Variants in PKIB observed in about 807,000 individuals in gnomAD.
PKIB encodes the protein PKI-beta.
Under a neutral mutation model 4.5 loss-of-function variants are expected in PKIB, and 2 were observed. The observed-to-expected ratio is 0.44, with a 90% CI of 0.18 to 1.39. The LOEUF (loss-of-function observed/expected upper bound fraction) is 1.39. Among genes scored for constraint, PKIB ranks in the 40% most tolerant of loss-of-function variants. PKIB has a pLI of 0.27. For synonymous variants in PKIB, 38 were observed against 36.0 expected (o/e 1.06, Z -0.20); for missense variants, 94 against 92.6 (o/e 1.02, Z -0.06).
chr6:122,576,716 T>TATATATATA (rs1562257709), intron 2 of PKIB, among the ~76,000 whole-genome samples: 1 of 100,630 alleles, frequency 9.9e-6, no homozygotes, highest in African/African-American at 3.8e-5. Flanking sequence ...ATATATTTTC[T>TATATATATA]TTTGTATAAT....
intron 2 of PKIB, among the ~76,000 whole-genome samples, chr6:122,543,581 T>A (rs1231310464): frequency 6.6e-6 from 1 of 151,926 alleles, no homozygotes; most frequent in Non-Finnish European, 1.5e-5. Context: ...TGTTTCATCA[T>A]GTTGGCCAGA....
chr6:122,556,502 G>T (rs1398021843), intron 2 of PKIB, among the ~76,000 whole-genome samples: 1 of 152,094 alleles, frequency 6.6e-6, no homozygotes, highest in Non-Finnish European at 1.5e-5. Flanking sequence ...TGTCTCTAAA[G>T]ACTGCCAATT....
intron 2 of PKIB, among the ~76,000 whole-genome samples, chr6:122,670,514 T>A (rs979004041): frequency 6.6e-6 from 1 of 152,070 alleles, no homozygotes; most frequent in Non-Finnish European, 1.5e-5. Context: ...GTTGTTGTTG[T>A]TGTTGTTGTT....
chr6:122,522,904 C>G (rs533365951), intron 2 of PKIB, among the ~76,000 whole-genome samples: 1 of 152,300 alleles, frequency 6.6e-6, no homozygotes, highest in South Asian at 2.1e-4. Context: ...ATCATGTCAT[C>G]TGAGGACAGA....
chr6:122,637,205 T>C (rs983371589), intron 2 of PKIB, among the ~76,000 whole-genome samples: 1 of 152,202 alleles, frequency 6.6e-6, no homozygotes, highest in Admixed American at 6.5e-5. Flanking sequence ...TTAAAACTTC[T>C]ATACATATAA....
intron 2 of PKIB, among the ~76,000 whole-genome samples, chr6:122,649,974 A>T (rs917275151): frequency 6.6e-6 from 1 of 152,102 alleles, no homozygotes; most frequent in Non-Finnish European, 1.5e-5. Context: ...GGCAGCTTGG[A>T]CTTGTTATAG....
chr6:122,557,477 CTGTAAGAT>C (rs1231045485), intron 2 of PKIB, among the ~76,000 whole-genome samples: 1 of 152,114 alleles, frequency 6.6e-6, no homozygotes, highest in African/African-American at 2.4e-5. Context: ...ATCTTTTTCC[CTGTAAGAT>C]TGTAAGTTAA....
intron 2 of PKIB, among the ~76,000 whole-genome samples, chr6:122,532,708 A>G (rs1163428734): frequency 6.6e-6 from 1 of 152,118 alleles, no homozygotes. Context: ...TTCCTTTTTC[A>G]TGGCTGGATA....
intron 3 of PKIB, among the ~76,000 whole-genome samples, chr6:122,683,904 A>T (rs1777997440): frequency 6.6e-6 from 1 of 152,220 alleles, no homozygotes; most frequent in African/African-American, 2.4e-5. Context: ...TATTAAAGAG[A>T]TATTAGCACT....
chr6:122,542,149 T>A (rs1158715574), intron 2 of PKIB, among the ~76,000 whole-genome samples: 5 of 151,860 alleles, frequency 3.3e-5, no homozygotes, highest in African/African-American at 1.2e-4. Flanking sequence ...TAGCTCAGAG[T>A]AGTTTGATTG....
At chr6:122,507,616 G>A (rs79482609) in intron 2 of PKIB, among the ~76,000 whole-genome samples, 3,229 of 144,606 alleles carry the variant, frequency 0.022, 40 homozygotes, top group Non-Finnish European at 0.035. Flanking sequence ...GCTGAAATGT[G>A]TATTTGAGCC....
intron 2 of PKIB, among the ~76,000 whole-genome samples, chr6:122,564,330 G>T (rs117705731): frequency 0.011 from 1,648 of 152,242 alleles, 13 homozygotes; most frequent in Middle Eastern, 0.037. Flanking sequence ...GTCCGGAGCT[G>T]CACTCTAGTC....
intron 2 of PKIB, among the ~76,000 whole-genome samples, chr6:122,499,564 A>C (rs1163368228): frequency 6.6e-6 from 1 of 152,170 alleles, no homozygotes; most frequent in Admixed American, 6.6e-5. Flanking sequence ...CATATATCAA[A>C]ATATTGAGAG....
chr6:122,723,105 A>G (rs1351326271), intron 4 of PKIB, among the ~76,000 whole-genome samples: 1 of 151,830 alleles, frequency 6.6e-6, no homozygotes, highest in African/African-American at 2.4e-5. Flanking sequence ...TTCTTTCCTC[A>G]TCTCCCCTAA....
intron 2 of PKIB, among the ~76,000 whole-genome samples, chr6:122,570,516 CA>C (rs1239342561): frequency 6.6e-6 from 1 of 152,082 alleles, no homozygotes; most frequent in Non-Finnish European, 1.5e-5. Context: ...AGATAAGCTT[CA>C]AAAATCCTTG....
intron 2 of PKIB, among the ~76,000 whole-genome samples, chr6:122,499,725 G>C (rs1439824201): frequency 6.6e-6 from 1 of 152,170 alleles, no homozygotes; most frequent in South Asian, 2.1e-4. Flanking sequence ...TGAGGGAAGA[G>C]AATGAAATAA....
intron 2 of PKIB, among the ~76,000 whole-genome samples, chr6:122,487,517 AT>A (rs1344654894): frequency 2.6e-5 from 4 of 152,088 alleles, no homozygotes; most frequent in African/African-American, 9.7e-5. Flanking sequence ...CATGATTGGG[AT>A]TTATGCTCTT....
chr6:122,631,208 T>C (rs1775685440), intron 1 of PKIB, among the ~76,000 whole-genome samples: 1 of 152,198 alleles, frequency 6.6e-6, no homozygotes. Flanking sequence ...TGTCTGGAGA[T>C]ATTAGCAGAG....
At chr6:122,699,145 A>G (rs1290120792) in intron 3 of PKIB, among the ~76,000 whole-genome samples, 1 of 152,136 alleles carries the variant, frequency 6.6e-6, no homozygotes, top group Non-Finnish European at 1.5e-5. Context: ...GCCCTTGAGT[A>G]GCCTGGTAAA....
Sources: allele counts gnomAD v4.1 joint callset (sites outside exome capture counted in the v4.1 genomes callset), GRCh38; gene constraint gnomAD v4.1.1; transcripts MANE v1.5; gene names NCBI Gene and HGNC (gene_info 2026-07-23, HGNC 2026-07-21).